Variants in ACRBP observed in about 807,000 individuals in gnomAD.
The protein encoded by ACRBP is acrosin-binding protein.
In ACRBP, 52 loss-of-function variants were observed where a neutral mutation model predicts 69.0. The observed-to-expected ratio is 0.75, with a 90% CI of 0.60 to 0.95. The LOEUF is 0.95. Among genes scored for constraint, ACRBP ranks in the 40% least tolerant of loss-of-function variants. The pLI is 0.00. For synonymous variants in ACRBP, 267 were observed against 258.9 expected, an observed-to-expected ratio of 1.03 and a Z score of -0.30; for missense variants, 604 against 673.0, an observed-to-expected ratio of 0.90 and a Z score of 1.13.
rs1274145042 is a variant in ACRBP at position 6,645,247 on chromosome 12, T to C, written c.448A>G (p.Thr150Ala). 1.2e-6 allele frequency: 2 copies of C among 1,612,420 alleles called. No individual in the cohort carries two copies. Among genetic ancestry groups the C allele is most frequent in the East Asian group, 4.5e-5 (2 of 44,820 alleles). Residue 150 changes from threonine to alanine, a missense_variant, in exon 4 of 10, where the codon ACC becomes GCC. Coordinates refer to ENST00000229243, the MANE Select transcript of ACRBP (RefSeq NM_032489.3). ...ASAEVSPTTM[T>A]SPISPHFTVT... ...GTGAAGTGGGGTGAGATGGGGGAGG[T>C]CATCGTGGTGGGTGAGACTTCAGCT... is the stretch of plus-strand genomic sequence containing the variant.
chr12:6,645,280 C>A lies in ACRBP; in HGVS notation c.415G>T (p.Glu139Ter), dbSNP rs761796073. 6.2e-7 allele frequency: 1 copy of A among 1,613,920 alleles called. No individual in the cohort carries two copies. The highest frequency in any genetic ancestry group is 1.1e-5 in the South Asian group (1 of 90,990). Residue 139 changes from glutamate (E) to a stop codon, truncating the protein, a stop_gained, in exon 4 of 10, where the codon GAA (glutamate) becomes TAA (stop). Coordinates refer to ENST00000229243, the MANE Select transcript of ACRBP (RefSeq NM_032489.3). LOFTEE classifies it high-confidence loss of function. ...GTGGGTGAGACTTCAGCTGAAGCTT[C>A]TATCTCCTTGAGAGTGTTAGGTGAG... is the stretch of plus-strand genomic sequence containing the variant. ...ILSPNTLKEI[E>*]ASAEVSPTTM... is the part of the protein sequence containing the mutation.
intron 1 of ACRBP, 39 bp downstream of exon 1, chr12:6,647,285 C>T (rs1350516404): frequency 3.2e-6 from 5 of 1,538,930 alleles, no homozygotes; most frequent in Admixed American, 2.2e-5. Flanking sequence ...AGAGGACTAG[C>T]CCGGGGAGAG....
intron 8 of ACRBP, 147 bp from the exon 9 acceptor site, chr12:6,639,184 T>G (rs530361264): frequency 2.9e-6 from 2 of 691,792 alleles, no homozygotes; most frequent in African/African-American, 1.8e-5. Context: ...CTCACTCCGC[T>G]TTCCCTCTGC....
chr12:6,639,707 T>A (rs1464927760), intron 8 of ACRBP, among the ~76,000 whole-genome samples: 1 of 152,196 alleles, frequency 6.6e-6, no homozygotes, highest in Non-Finnish European at 1.5e-5. Context: ...GATCACAGGG[T>A]TGGGCAGTGG....
At chr12:6,646,610 C>T (rs886327239) in intron 2 of ACRBP, 33 bp from the exon 3 acceptor site, 6 of 1,599,792 alleles carry the variant, frequency 3.8e-6, no homozygotes, top group Admixed American at 1.7e-5. Flanking sequence ...AAGATGAACC[C>T]GTGGGGAGCT....
rs750023336 is a variant in ACRBP, at chr12:6,638,345, A to T, written c.1569T>A (p.Ser523Arg). 1.2e-6 allele frequency: 2 copies of T among 1,614,118 alleles called. No individual in the cohort carries two copies. Among genetic ancestry groups the T allele is most frequent in the Non-Finnish European group, 8.5e-7 (1 of 1,180,018 alleles). ...ETYSALSPGK[S>R]EDVVLRWSQE... ...GGCTCCATCGAAGCACAACGTCCTC[A>T]CTTTTGCCAGGGCTCAGCGCACTGT... The change falls in exon 10 of 10, where the codon AGT becomes AGA. Residue 523 changes from serine to arginine, a missense_variant. Ser to Arg is a moderately radical substitution (Grantham distance 110). This residue lies in a region of ACRBP where 51 missense variants were observed against 60.1 expected (regional missense o/e 0.85). Coordinates refer to ENST00000229243, the MANE Select transcript of ACRBP (RefSeq NM_032489.3).
In ACRBP at chr12:6,640,253, G is replaced by A. The variant is rs913740855; in HGVS notation, c.1258-26C>T. 1.9e-5 allele frequency: 31 copies of A among 1,613,362 alleles called. No individual in the cohort carries two copies. Among genetic ancestry groups the A allele is most frequent in the Non-Finnish European group, 2.5e-5 (30 of 1,179,484 alleles). On this transcript the variant is annotated intron_variant, in intron 7 of 9. Coordinates refer to ENST00000229243, the MANE Select transcript of ACRBP (RefSeq NM_032489.3). This position sits in a 1 kb window ranked among gnomAD's most constrained non-coding sequence, Gnocchi z 5.3. The stretch of plus-strand genomic sequence containing the variant: ...CTGTGGCACAGGAGATAGGGGAGAG[G>A]TGCGTGCCCCTCCCCACCTGCTGGC...
chr12:6,640,442 G>A lies in ACRBP; in HGVS notation c.1158C>T (p.His386=). ...GTTGCCGCTGCAGGCTGGCCTCTGAGTGGCACTGCTCCAGCTTCAAGGAGC... is the reference window on the plus strand; with the variant it reads ...GTTGCCGCTGCAGGCTGGCCTCTGAATGGCACTGCTCCAGCTTCAAGGAGC... ...DFCSLKLEQC[H]SEASLQRQQC... is the part of the protein sequence containing the mutation. The change falls in exon 7 of 10, where the codon CAC becomes CAT. Residue 386 remains histidine (H), a synonymous_variant. Transcript: ENST00000229243. This position sits in a 1 kb window ranked among gnomAD's most constrained non-coding sequence, Gnocchi z 5.3. 6.2e-7 allele frequency: 1 copy of A among 1,614,180 alleles called. No homozygotes were observed. The highest frequency in any genetic ancestry group is 2.2e-5 in the East Asian group (1 of 44,880).
At chr12:6,647,268 G>C in intron 1 of ACRBP, 56 bp downstream of exon 1, 2 of 1,514,004 alleles carry the variant, frequency 1.3e-6, no homozygotes, top group Non-Finnish European at 1.8e-6. Context: ...CAGAGCTCTC[G>C]GGAGGGAGAG....
rs922988124 is a variant in ACRBP at position 6,640,330 on chromosome 12, C to T, written c.1257+13G>A. The T allele has an allele frequency of 6.2e-7, 1 of 1,613,930 alleles. No homozygotes were observed. Among genetic ancestry groups the T allele is most frequent in the Admixed American group, 1.7e-5 (1 of 60,012 alleles). ...GTTCTGCCTTTCCCACTGCGGGCTG[C>T]CGGGCTAGATACCTGGTTGCCGATG... On this transcript the variant is annotated intron_variant, in intron 7 of 9. Transcript: ENST00000229243. This position sits in a 1 kb window ranked among gnomAD's most constrained non-coding sequence, Gnocchi z 5.3.
rs566850674 is a variant in ACRBP at position 6,643,018 on chromosome 12, G to A, written c.1077+521C>T. Among the ~76,000 whole-genome samples, 28 of 152,282 alleles carry A rather than the reference G, an allele frequency of 1.8e-4. No individual in the cohort carries two copies. The South Asian group carries it at 4.6e-3, about 25-fold the overall frequency. On this transcript the variant is annotated intron_variant, in intron 6 of 9. Coordinates refer to ENST00000229243, the MANE Select transcript of ACRBP (RefSeq NM_032489.3). ...TGTAATCCCAGCATTTTGGGAGGCCGAGGCAGGAGGATTGGTTGAGCCCAG... is the reference window on the plus strand; with the variant it reads ...TGTAATCCCAGCATTTTGGGAGGCCAAGGCAGGAGGATTGGTTGAGCCCAG...
chr12:6,643,535 A>G lies in ACRBP; in HGVS notation c.1077+4T>C, dbSNP rs754631736. On this transcript the variant is annotated splice_donor_region_variant and intron_variant, in intron 6 of 9. Coordinates refer to ENST00000229243, the MANE Select transcript of ACRBP (RefSeq NM_032489.3). The stretch of plus-strand genomic sequence containing the variant: ...GTATCCATTAGACAGTATGGCTGGC[A>G]TACCGACTTCCCGAAACCAAGGATC... The G allele has an allele frequency of 6.2e-7, 1 of 1,614,124 alleles. No individual in the cohort carries two copies. The highest frequency in any genetic ancestry group is 2.2e-5 in the East Asian group (1 of 44,886).
At position 6,644,431 on chromosome 12, in the gene ACRBP, T is replaced by C. The variant is rs751729156; in HGVS notation, c.650A>G (p.Gln217Arg). 42 of 1,614,036 alleles carry C rather than the reference T, an allele frequency of 2.6e-5. No homozygotes were observed. The highest frequency in any genetic ancestry group is 3.4e-5 in the Non-Finnish European group (40 of 1,180,028). Residue 217 changes from glutamine to arginine, a missense_variant, in exon 5 of 10, where the codon CAG (glutamine) becomes CGG (arginine). Coordinates refer to ENST00000229243, the MANE Select transcript of ACRBP (RefSeq NM_032489.3). ...PTQEHKQEEG[Q>R]KQEEQEEEQE... ...TTCCTCTTCTTGCTCTTCCTGTTTCTGCCCCTCTTCCTGCTTGTGTTCTTG... is the reference window on the plus strand; with the variant it reads ...TTCCTCTTCTTGCTCTTCCTGTTTCCGCCCCTCTTCCTGCTTGTGTTCTTG...
chr12:6,643,937 G>A (rs1242155393), intron 5 of ACRBP, 200 bp downstream of exon 5: 5 of 1,136,256 alleles, frequency 4.4e-6, no homozygotes, highest in Non-Finnish European at 6.0e-6. Context: ...TCCAGGTACA[G>A]GGCTTACATA....
At chr12:6,645,393 C>T in intron 3 of ACRBP, 56 bp from the exon 4 acceptor site, 1 of 1,372,374 alleles carries the variant, frequency 7.3e-7, no homozygotes, top group Non-Finnish European at 1.0e-6. Flanking sequence ...ACTTCTGCTC[C>T]AGCTGGTTCT....
Position 6,640,035 on chromosome 12 carries a change from C to T in ACRBP, c.1425+25G>A. The stretch of plus-strand genomic sequence containing the variant: ...GAATGGGGTGAGGGTAGGGATGGGG[C>T]TGAGCTTTGGGGAAAGGTTCTAACC... On this transcript the variant is annotated intron_variant, in intron 8 of 9. Coordinates refer to ENST00000229243, the MANE Select transcript of ACRBP (RefSeq NM_032489.3). This position sits in a 1 kb window ranked among gnomAD's most constrained non-coding sequence, Gnocchi z 5.3. 1 of 1,613,190 alleles carries T rather than the reference C, an allele frequency of 6.2e-7. No individual in the cohort carries two copies. Among genetic ancestry groups the T allele is most frequent in the Non-Finnish European group, 8.5e-7 (1 of 1,179,454 alleles).
chr12:6,645,295 T>C lies in ACRBP; in HGVS notation c.400A>G (p.Thr134Ala), dbSNP rs1475594815. ...GCTGAAGCTTCTATCTCCTTGAGAG[T>C]GTTAGGTGAGAGAATAGAGACTGGC... ...SQPVSILSPN[T>A]LKEIEASAEV... Residue 134 changes from threonine (T) to alanine (A), a missense_variant, in exon 4 of 10, where the codon ACT becomes GCT. Thr to Ala is a moderately conservative substitution (Grantham distance 58, BLOSUM62 0). This residue lies in a region of ACRBP where 532 missense variants were observed against 562.9 expected (regional missense o/e 0.95). Coordinates refer to ENST00000229243, the MANE Select transcript of ACRBP (RefSeq NM_032489.3). The C allele has an allele frequency of 6.2e-7, 1 of 1,613,110 alleles. No individual in the cohort carries two copies. Among genetic ancestry groups the C allele is most frequent in the Non-Finnish European group, 8.5e-7 (1 of 1,179,768 alleles).
chr12:6,640,238 G>A lies in ACRBP; in HGVS notation c.1258-11C>T, dbSNP rs1270288600. The A allele has an allele frequency of 3.7e-6, 6 of 1,613,926 alleles. No homozygotes were observed. The highest frequency in any genetic ancestry group is 1.1e-5 in the South Asian group (1 of 91,082). The stretch of plus-strand genomic sequence containing the variant: ...TTCTGGGGACCCTACCTGTGGCACA[G>A]GAGATAGGGGAGAGGTGCGTGCCCC... On this transcript the variant is annotated splice_polypyrimidine_tract_variant and intron_variant, in intron 7 of 9. Coordinates refer to ENST00000229243, the MANE Select transcript of ACRBP (RefSeq NM_032489.3). The surrounding 1 kb of genome is among the most constrained non-coding windows in gnomAD (Gnocchi z 5.3).
intron 2 of ACRBP, 82 bp from the exon 3 acceptor site, chr12:6,646,659 G>C: frequency 2.0e-6 from 3 of 1,494,620 alleles, no homozygotes; most frequent in Non-Finnish European, 2.8e-6. Context: ...ACGCCATGGG[G>C]AGGGTGGAGA....
Sources: gnomAD v4.1 joint callset for allele counts (sites outside exome capture counted in the v4.1 genomes callset) on GRCh38, gnomAD v4.1.1 for gene constraint, gnomAD v4.1.1 regional missense constraint, Gnocchi (gnomAD v3.1) non-coding constraint, MANE v1.5 for transcripts, NCBI Gene and HGNC (gene_info 2026-07-23, HGNC 2026-07-21) for gene names.